GALNT17: variants seen among roughly 807,000 people sequenced by gnomAD.
GALNT17 encodes the protein UDP-GalNAc:polypeptide N-acetylgalactosaminyltransferase-like 3.
GALNT17 carries 29 observed loss-of-function variants against 63.7 expected under a neutral mutation model. That is an observed-to-expected ratio of 0.46 (90% CI 0.34 to 0.62). The LOEUF (loss-of-function observed/expected upper bound fraction) is 0.62. GALNT17 is among the 20% of genes least tolerant of loss of function. GALNT17 has a pLI of 0.01. For missense variants in GALNT17, 603 were observed against 799.6 expected (o/e 0.75, Z 2.97); for synonymous variants, 305 against 318.3 (o/e 0.96, Z 0.45).
chr7:71,259,329 G>A (rs893360790), intron 1 of GALNT17, among the ~76,000 whole-genome samples: 25 of 152,332 alleles, frequency 1.6e-4, no homozygotes, highest in African/African-American at 3.6e-4. Context: ...TTTCATGCAC[G>A]TGTGCCTTGT....
chr7:71,305,022 A>G lies in GALNT17; in HGVS notation c.239-30528A>G, dbSNP rs191289992. Among the ~76,000 whole-genome samples, 463 of 152,266 alleles carry G rather than the reference A, an allele frequency of 3.0e-3. 2 individuals are homozygous for G. The highest frequency in any genetic ancestry group is 0.011 in the African/African-American group (437 of 41,556). ...CTGGGATTACAGGCGTGAGCCACAC[A>G]AGTCCAATATTTTACCTAGAAGCCT... On this transcript the variant is annotated intron_variant, in intron 1 of 10. Transcript: ENST00000333538.
At chr7:71,514,572 G>A (rs1317355494) in intron 5 of GALNT17, among the ~76,000 whole-genome samples, 2 of 151,940 alleles carry the variant, frequency 1.3e-5, no homozygotes, top group African/African-American at 4.8e-5. Flanking sequence ...CATCTCTTTT[G>A]GTAAAAATCT....
intron 1 of GALNT17, among the ~76,000 whole-genome samples, chr7:71,230,167 C>G (rs189371690): frequency 6.6e-6 from 1 of 151,948 alleles, no homozygotes; most frequent in African/African-American, 2.4e-5. Context: ...TCCCAACTCC[C>G]CATGAGACAG....
chr7:71,156,051 C>T (rs550007208), intron 1 of GALNT17, among the ~76,000 whole-genome samples: 2 of 151,790 alleles, frequency 1.3e-5, no homozygotes, highest in Non-Finnish European at 2.9e-5. Flanking sequence ...ACAAAATTAG[C>T]CAGGCGTGGT....
At chr7:71,486,762 C>T (rs1787916930) in intron 5 of GALNT17, among the ~76,000 whole-genome samples, 1 of 151,354 alleles carries the variant, frequency 6.6e-6, no homozygotes, top group Non-Finnish European at 1.5e-5. Context: ...ACTCAGGAGG[C>T]TGAGGTGGGA....
intron 2 of GALNT17, among the ~76,000 whole-genome samples, chr7:71,358,200 G>A (rs1381939089): frequency 6.6e-6 from 1 of 152,162 alleles, no homozygotes; most frequent in Non-Finnish European, 1.5e-5. Context: ...CCACAGGCGG[G>A]AACCAACTGC....
At chr7:71,465,608 G>A (rs1008071812) in intron 5 of GALNT17, among the ~76,000 whole-genome samples, 8 of 152,152 alleles carry the variant, frequency 5.3e-5, no homozygotes, top group African/African-American at 1.2e-4. Flanking sequence ...CTCCCAGCCC[G>A]ATCTCCTCCT....
chr7:71,292,560 C>T (rs745413526), intron 1 of GALNT17, among the ~76,000 whole-genome samples: 11 of 151,734 alleles, frequency 7.2e-5, no homozygotes, highest in Non-Finnish European at 1.5e-4. Context: ...TTGATATATG[C>T]ATACATTGCA....
At chr7:71,619,718 T>C (rs527936379) in intron 6 of GALNT17, among the ~76,000 whole-genome samples, 3 of 152,344 alleles carry the variant, frequency 2.0e-5, no homozygotes, top group African/African-American at 7.2e-5. Flanking sequence ...TTTCTAGATA[T>C]ACAGTTTTAT....
chr7:71,440,395 G>T (rs1426530630), intron 5 of GALNT17, among the ~76,000 whole-genome samples: 6 of 128,624 alleles, frequency 4.7e-5, no homozygotes, highest in Non-Finnish European at 6.4e-5. Flanking sequence ...TTTTTTTTGA[G>T]ATGGAGTTTC....
At chr7:71,405,292 G>T (rs1047683461) in intron 3 of GALNT17, among the ~76,000 whole-genome samples, 3 of 152,134 alleles carry the variant, frequency 2.0e-5, no homozygotes, top group African/African-American at 7.2e-5. Context: ...CCTAGGGAGA[G>T]TTGCTGGCCC....
intron 1 of GALNT17, among the ~76,000 whole-genome samples, chr7:71,213,040 G>T (rs2116396961): frequency 6.6e-6 from 1 of 152,208 alleles, no homozygotes; most frequent in Middle Eastern, 3.4e-3. Context: ...ATGAGATTTG[G>T]AGGGACCAGG....
chr7:71,365,669 A>G (rs918328897), intron 2 of GALNT17, among the ~76,000 whole-genome samples: 2 of 151,592 alleles, frequency 1.3e-5, no homozygotes, highest in African/African-American at 2.4e-5. Context: ...AGAGTTTTAA[A>G]TTCTTTTTTT....
At chr7:71,416,458 A>G (rs1793528161) in intron 4 of GALNT17, among the ~76,000 whole-genome samples, 1 of 152,078 alleles carries the variant, frequency 6.6e-6, no homozygotes, top group Non-Finnish European at 1.5e-5. Flanking sequence ...CTAAAAATAC[A>G]GAAATTAACC....
intron 3 of GALNT17, among the ~76,000 whole-genome samples, chr7:71,404,312 C>T (rs1359034788): frequency 6.6e-6 from 1 of 152,190 alleles, no homozygotes; most frequent in African/African-American, 2.4e-5. Context: ...GTATTTTGCA[C>T]CTCACATCTC....
At chr7:71,459,568 C>G (rs1459604029) in intron 5 of GALNT17, among the ~76,000 whole-genome samples, 1 of 152,128 alleles carries the variant, frequency 6.6e-6, no homozygotes, top group Non-Finnish European at 1.5e-5. Flanking sequence ...CCCTATAGAT[C>G]GTGACTTACT....
chr7:71,261,724 C>T (rs1428011205), intron 1 of GALNT17, among the ~76,000 whole-genome samples: 1 of 152,340 alleles, frequency 6.6e-6, no homozygotes, highest in South Asian at 2.1e-4. Context: ...TCGTGACAAC[C>T]GTAAGGAACA....
intron 9 of GALNT17, among the ~76,000 whole-genome samples, chr7:71,693,642 A>G (rs1471329685): frequency 1.4e-5 from 2 of 145,662 alleles, no homozygotes; most frequent in East Asian, 4.5e-4. Context: ...ACTGGGGCCT[A>G]TTGGAGGGTA....
chr7:71,413,059 A>G (rs1282468253), intron 3 of GALNT17, among the ~76,000 whole-genome samples: 2 of 152,198 alleles, frequency 1.3e-5, no homozygotes, highest in Non-Finnish European at 2.9e-5. Context: ...AAAATAAAAT[A>G]AAAATAAAAT....
Sources: gnomAD v4.1 joint callset for allele counts (sites outside exome capture counted in the v4.1 genomes callset) on GRCh38, gnomAD v4.1.1 for gene constraint, MANE v1.5 for transcripts, NCBI Gene and HGNC (gene_info 2026-07-23, HGNC 2026-07-21) for gene names.